The following OR1F1 variants were observed in gnomAD, a reference collection of about 807,000 sequenced individuals.
OR1F1 encodes olfactory receptor family 1 subfamily F member 1, also known as olfactory receptor 1F1.
For synonymous variants in OR1F1, 184 were observed against 156.7 expected (o/e 1.17, Z -1.30); for missense variants, 493 against 376.3 (o/e 1.31, Z -2.57).
the OR1F1 span, among the ~76,000 whole-genome samples, chr16:3,195,394 G>A: frequency 6.6e-6 from 1 of 152,202 alleles, no homozygotes; most frequent in Admixed American, 6.5e-5. Context: ...AAATGCGGGC[G>A]TCCATCCCAG....
chr16:3,192,281 C>T, the OR1F1 span, among the ~76,000 whole-genome samples: 3 of 137,816 alleles, frequency 2.2e-5, no homozygotes, highest in African/African-American at 7.1e-5. Context: ...TGGTCTTGAT[C>T]TGACCTCGTG....
chr16:3,196,681 A>T, the OR1F1 span, among the ~76,000 whole-genome samples: 1 of 148,960 alleles, frequency 6.7e-6, no homozygotes, highest in African/African-American at 2.5e-5. Flanking sequence ...AGCCACCACG[A>T]CTGGCGGTGA....
At chr16:3,204,324 C>A in exon 1 of OR1F1, 2 of 1,614,102 alleles carry the variant, frequency 1.2e-6, no homozygotes, top group East Asian at 2.2e-5. Context: ...AGCAGCATCT[C>A]CTCTTTGTGT....
At chr16:3,199,938 C>A (rs1596323911), upstream of OR1F1, among the ~76,000 whole-genome samples, 1 of 151,720 alleles carries the variant, frequency 6.6e-6, no homozygotes, top group South Asian at 2.1e-4. Flanking sequence ...ATCGCTTGAA[C>A]CCAGGAGGCG....
At chr16:3,200,819 T>C (rs1334493187), upstream of OR1F1, among the ~76,000 whole-genome samples, 1 of 152,220 alleles carries the variant, frequency 6.6e-6, no homozygotes, top group Non-Finnish European at 1.5e-5. Context: ...GGTCACATTC[T>C]TGACTACCTA....
the OR1F1 span, among the ~76,000 whole-genome samples, chr16:3,196,032 A>G: frequency 6.6e-6 from 1 of 152,182 alleles, no homozygotes; most frequent in Non-Finnish European, 1.5e-5. Flanking sequence ...CTCCTGGTGG[A>G]CTTTCTCTTC....
the OR1F1 span, among the ~76,000 whole-genome samples, chr16:3,196,699 CTTTTTTTT>C: frequency 6.5e-5 from 8 of 123,960 alleles, no homozygotes; most frequent in African/African-American, 1.2e-4. Flanking sequence ...TGAAATTAAT[CTTTTTTTT>C]TTTTTTTTTT....
upstream of OR1F1, among the ~76,000 whole-genome samples, chr16:3,199,711 A>G (rs114383917): frequency 0.046 from 6,968 of 152,208 alleles, 572 homozygotes; most frequent in African/African-American, 0.16. Flanking sequence ...TGCAAAAGAA[A>G]AAGGATATTT....
chr16:3,203,742 G>A (rs908529703), upstream of OR1F1, among the ~76,000 whole-genome samples: 38 of 152,250 alleles, frequency 2.5e-4, no homozygotes, highest in Admixed American at 1.9e-3. Flanking sequence ...CTAGCCTGGC[G>A]ACAGAGCGAG....
At chr16:3,205,860 G>A (rs1177574972), downstream of OR1F1, among the ~76,000 whole-genome samples, 1 of 152,154 alleles carries the variant, frequency 6.6e-6, no homozygotes, top group Non-Finnish European at 1.5e-5. Context: ...CAAATTGATT[G>A]TAAAACATGT....
At chr16:3,193,969 G>A in the OR1F1 span, among the ~76,000 whole-genome samples, 404 of 152,272 alleles carry the variant, frequency 2.7e-3, 2 homozygotes, top group African/African-American at 9.2e-3. Context: ...AGGGATTGTG[G>A]GTTCGAGTTC....
At chr16:3,195,925 C>G in the OR1F1 span, among the ~76,000 whole-genome samples, 2 of 152,182 alleles carry the variant, frequency 1.3e-5, no homozygotes, top group African/African-American at 4.8e-5. Flanking sequence ...GGGTGCGCAG[C>G]CCCACCAGGT....
chr16:3,200,220 A>C (rs1958121265), upstream of OR1F1, among the ~76,000 whole-genome samples: 1 of 152,160 alleles, frequency 6.6e-6, no homozygotes, highest in Admixed American at 6.5e-5. Context: ...TCTTCTTCTC[A>C]GTGCACAAGT....
At chr16:3,190,104 G>A in the OR1F1 span, among the ~76,000 whole-genome samples, 1 of 152,152 alleles carries the variant, frequency 6.6e-6, no homozygotes, top group African/African-American at 2.4e-5. Context: ...CCCGGTTCTA[G>A]CAGTCGCAGT....
chr16:3,188,643 G>A, the OR1F1 span, among the ~76,000 whole-genome samples: 1 of 152,154 alleles, frequency 6.6e-6, no homozygotes, highest in Non-Finnish European at 1.5e-5. Flanking sequence ...CTCGGCCCTT[G>A]TCCCCACCCC....
the OR1F1 span, chr16:3,189,663 C>T: frequency 1.3e-5 from 2 of 151,870 alleles, no homozygotes; most frequent in African/African-American, 4.8e-5. Flanking sequence ...ATGATTCTCG[C>T]TTAGGGTGCG....
At chr16:3,191,014 C>T in the OR1F1 span, among the ~76,000 whole-genome samples, 1 of 152,184 alleles carries the variant, frequency 6.6e-6, no homozygotes, top group Admixed American at 6.5e-5. Flanking sequence ...GGAACAGCTA[C>T]ATGCACGTCA....
the OR1F1 span, among the ~76,000 whole-genome samples, chr16:3,190,608 G>A: frequency 3.9e-5 from 6 of 151,990 alleles, no homozygotes; most frequent in African/African-American, 7.3e-5. Flanking sequence ...AAAATTAGTC[G>A]GTCATGGTGG....
the OR1F1 span, among the ~76,000 whole-genome samples, chr16:3,192,054 C>T: frequency 2.6e-4 from 40 of 152,150 alleles, 1 homozygote; most frequent in South Asian, 5.4e-3. Flanking sequence ...AAATCCCGGA[C>T]GAGCCCCTCT....
Sources: allele counts gnomAD v4.1 joint callset (sites outside exome capture counted in the v4.1 genomes callset), GRCh38; gene constraint gnomAD v4.1.1; transcripts MANE v1.5; gene names NCBI Gene and HGNC (gene_info 2026-07-23, HGNC 2026-07-21).